IL7: variants seen among roughly 807,000 people sequenced by gnomAD.
The protein encoded by IL7 is interleukin 7.
A neutral mutation model predicts 21.6 loss-of-function variants in IL7; 3 were observed. That is an observed-to-expected ratio of 0.14 (90% CI 0.06 to 0.36). The LOEUF is 0.36. IL7 is among the 10% of genes least tolerant of loss of function. The pLI, the probability that IL7 is intolerant of heterozygous loss-of-function variation, is 1.00. For missense variants in IL7, 175 were observed against 200.2 expected, an observed-to-expected ratio of 0.87 and a Z score of 0.76; for synonymous variants, 62 against 68.1, an observed-to-expected ratio of 0.91 and a Z score of 0.44.
intron 3 of IL7, among the ~76,000 whole-genome samples, chr8:78,700,000 G>A (rs966382386): frequency 6.6e-6 from 1 of 152,018 alleles, no homozygotes; most frequent in Non-Finnish European, 1.5e-5. Flanking sequence ...ATTGCTGGGG[G>A]AAATGGTAGT....
intron 2 of IL7, among the ~76,000 whole-genome samples, chr8:78,752,952 C>G (rs902060840): frequency 1.8e-4 from 27 of 152,132 alleles, no homozygotes; most frequent in African/African-American, 6.5e-4. Flanking sequence ...GTATAGTATT[C>G]CATGGTGTAT....
intron 2 of IL7, among the ~76,000 whole-genome samples, chr8:78,763,805 G>A (rs1300115913): frequency 2.6e-5 from 4 of 152,040 alleles, no homozygotes; most frequent in South Asian, 4.1e-4. Flanking sequence ...AGGAGCAGGA[G>A]GAATACTTCT....
chr8:78,686,557 C>T, intron 3 of IL7: 1 of 1,535,980 alleles, frequency 6.5e-7, no homozygotes. Flanking sequence ...TGATCAGGCC[C>T]TCAAAGAGGG....
chr8:78,722,507 C>G (rs1253014838), intron 3 of IL7, among the ~76,000 whole-genome samples: 1 of 151,850 alleles, frequency 6.6e-6, no homozygotes, highest in Admixed American at 6.6e-5. Flanking sequence ...ATAAGCATGT[C>G]TTTGGTATAG....
At chr8:78,686,420 A>G in intron 3 of IL7, 1 of 1,274,538 alleles carries the variant, frequency 7.8e-7, no homozygotes, top group Non-Finnish European at 1.0e-6. Context: ...TATACTAAAA[A>G]GATACTGTTT....
chr8:78,690,711 ATT>A (rs1208088032), intron 3 of IL7, among the ~76,000 whole-genome samples: 1 of 152,100 alleles, frequency 6.6e-6, no homozygotes, highest in Non-Finnish European at 1.5e-5. Flanking sequence ...TTTTAACAAT[ATT>A]GAGTTGTTCA....
At position 78,779,210 on chromosome 8, in the gene IL7, C is replaced by G. The variant is rs549407381; in HGVS notation, c.147+18862G>C. Among the ~76,000 whole-genome samples, 22 of 152,250 alleles carry G rather than the reference C, an allele frequency of 1.4e-4. No individual in the cohort carries two copies. In the South Asian group the frequency reaches 4.3e-3, roughly 30 times the overall value. Reference sequence around the variant, plus strand: ...GCAAACAGTTTGACTTCCTGTCTTCCTATTTGCCTACCTTTATTTGTTTCT... The same window carrying G: ...GCAAACAGTTTGACTTCCTGTCTTCGTATTTGCCTACCTTTATTTGTTTCT... On this transcript the variant is annotated intron_variant, in intron 2 of 5. Transcript: ENST00000263851.
chr8:78,778,991 TC>T (rs1478116805), intron 2 of IL7, among the ~76,000 whole-genome samples: 2 of 152,190 alleles, frequency 1.3e-5, no homozygotes, highest in African/African-American at 4.8e-5. Flanking sequence ...AAGTATTTTA[TC>T]CTCTTTTTAG....
chr8:78,791,230 C>G (rs1032731805), intron 2 of IL7, among the ~76,000 whole-genome samples: 1 of 152,124 alleles, frequency 6.6e-6, no homozygotes, highest in African/African-American at 2.4e-5. Flanking sequence ...CCAAATTGAA[C>G]CATCTGAAAT....
intron 4 of IL7, among the ~76,000 whole-genome samples, chr8:78,737,373 G>A (rs1811629492): frequency 6.6e-6 from 1 of 152,056 alleles, no homozygotes. Flanking sequence ...TGTTAAGTAG[G>A]AATGAAGAAA....
chr8:78,733,534 A>G lies in IL7; in HGVS notation c.*179T>C, dbSNP rs1811479629. ...TTGTTGACTGGAGCATTCAGTTTCC[A>G]TTGTTTGTATTCATCTTCTAGTAAT... On this transcript the variant is annotated 3_prime_UTR_variant, in exon 6 of 6. Coordinates refer to ENST00000263851, the MANE Select transcript of IL7 (RefSeq NM_000880.4). 1 of 532,778 alleles carries G rather than the reference A, an allele frequency of 1.9e-6. No individual in the cohort carries two copies. Among genetic ancestry groups the G allele is most frequent in the Non-Finnish European group, 3.2e-6 (1 of 309,362 alleles). 33.0% of individuals were successfully genotyped at this position (532,778 alleles called of 1,614,324 possible).
rs548986881 is a variant in IL7, at chr8:78,701,687, A to T, written n.215-15740T>A. Among the ~76,000 whole-genome samples the T allele has an allele frequency of 9.7e-4, 147 of 152,320 alleles. No individual in the cohort carries two copies. In the Middle Eastern group the frequency reaches 0.02, roughly 21 times the overall value. Reference sequence around the variant, plus strand: ...TTCCTGCAATACCTAGTTTATTGAGAGTTTTTAACGTGAAGGGATGTTGAA... The same window carrying T: ...TTCCTGCAATACCTAGTTTATTGAGTGTTTTTAACGTGAAGGGATGTTGAA... On this transcript the variant is annotated intron_variant and non_coding_transcript_variant, in intron 3 of 4. Transcript: ENST00000523959.
chr8:78,747,831 T>G (rs1052154844), intron 2 of IL7, among the ~76,000 whole-genome samples: 3 of 152,156 alleles, frequency 2.0e-5, no homozygotes, highest in Non-Finnish European at 4.4e-5. Context: ...AATTCCCAAC[T>G]TGAGAACTGT....
At chr8:78,714,666 C>T (rs935326551), downstream of IL7, among the ~76,000 whole-genome samples, 7 of 152,014 alleles carry the variant, frequency 4.6e-5, no homozygotes, top group African/African-American at 1.7e-4. Flanking sequence ...ACCAGAAGTC[C>T]CTCTGATTTC....
intron 1 of IL7, among the ~76,000 whole-genome samples, chr8:78,803,863 C>A (rs1814185915): frequency 6.6e-6 from 1 of 152,120 alleles, no homozygotes; most frequent in South Asian, 2.1e-4. Flanking sequence ...AGCTGGCACT[C>A]CTTGGTTGTG....
chr8:78,778,033 G>A (rs536975462), intron 2 of IL7, among the ~76,000 whole-genome samples: 7 of 152,010 alleles, frequency 4.6e-5, no homozygotes, highest in African/African-American at 1.7e-4. Flanking sequence ...TAATTACCAA[G>A]CCCCCAGGTC....
chr8:78,752,043 C>T (rs982573842), intron 2 of IL7, among the ~76,000 whole-genome samples: 1 of 152,112 alleles, frequency 6.6e-6, no homozygotes, highest in Non-Finnish European at 1.5e-5. Context: ...TGTGACTGAC[C>T]GATTTGGCTT....
intron 3 of IL7, among the ~76,000 whole-genome samples, chr8:78,705,356 C>T (rs1810737978): frequency 6.6e-6 from 1 of 152,138 alleles, no homozygotes; most frequent in Non-Finnish European, 1.5e-5. Context: ...GCTGGGTGTC[C>T]ACTCCAGTCA....
At chr8:78,799,710 A>C (rs1412011085) in intron 1 of IL7, among the ~76,000 whole-genome samples, 1 of 152,060 alleles carries the variant, frequency 6.6e-6, no homozygotes, top group Non-Finnish European at 1.5e-5. Context: ...TCTGTAACAC[A>C]TACATAGTAG....
Sources: gnomAD v4.1 joint callset for allele counts (sites outside exome capture counted in the v4.1 genomes callset) on GRCh38, gnomAD v4.1.1 for gene constraint, MANE v1.5 for transcripts, NCBI Gene and HGNC (gene_info 2026-07-23, HGNC 2026-07-21) for gene names.